Variants in GRIN2B observed in about 807,000 individuals in gnomAD.
The protein encoded by GRIN2B is glutamate ionotropic receptor NMDA type subunit 2B.
Under a neutral mutation model 114.5 loss-of-function variants are expected in GRIN2B, and 5 were observed. The ratio of observed to expected loss-of-function variants is 0.04; its 90% confidence interval spans 0.02 to 0.09. The LOEUF is 0.09. GRIN2B is among the 10% of genes least tolerant of loss of function. GRIN2B has a pLI of 1.00. For synonymous variants in GRIN2B, 787 were observed against 745.1 expected (o/e 1.06, Z -0.92); for missense variants, 1,108 against 1,943.5 (o/e 0.57, Z 8.08).
chr12:13,596,966 T>G (rs1949081827), intron 10 of GRIN2B, among the ~76,000 whole-genome samples: 1 of 152,050 alleles, frequency 6.6e-6, no homozygotes, highest in Non-Finnish European at 1.5e-5. Context: ...CCTACTTTCC[T>G]GTGTCCACAC....
At chr12:13,714,233 C>T (rs1950437397) in intron 4 of GRIN2B, among the ~76,000 whole-genome samples, 1 of 151,680 alleles carries the variant, frequency 6.6e-6, no homozygotes, top group African/African-American at 2.4e-5. Context: ...CACACTGAGG[C>T]AGTAAAAATC....
chr12:13,853,556 G>C (rs752362068), intron 3 of GRIN2B, among the ~76,000 whole-genome samples: 1 of 152,126 alleles, frequency 6.6e-6, no homozygotes, highest in African/African-American at 2.4e-5. Context: ...TAAAAGTCTT[G>C]CTCTGCTACC....
At chr12:13,802,406 T>C (rs1456443737) in intron 3 of GRIN2B, among the ~76,000 whole-genome samples, 6 of 152,096 alleles carry the variant, frequency 3.9e-5, no homozygotes, top group South Asian at 2.1e-4. Context: ...AATTTGATAA[T>C]AAATATTCAA....
At chr12:13,585,236 A>G (rs1948902911) in intron 10 of GRIN2B, among the ~76,000 whole-genome samples, 3 of 152,194 alleles carry the variant, frequency 2.0e-5, no homozygotes, top group Non-Finnish European at 4.4e-5. Flanking sequence ...CTTCAGAGTC[A>G]TGAAGCTGGG....
intron 3 of GRIN2B, among the ~76,000 whole-genome samples, chr12:13,816,406 T>C (rs868000407): frequency 1.3e-5 from 2 of 152,238 alleles, no homozygotes; most frequent in Admixed American, 6.5e-5. Flanking sequence ...AGCAGTGTTT[T>C]GAACTCCTTT....
intron 5 of GRIN2B, among the ~76,000 whole-genome samples, chr12:13,617,655 A>G (rs967501589): frequency 2.0e-5 from 3 of 152,174 alleles, no homozygotes; most frequent in Admixed American, 6.5e-5. Flanking sequence ...TATCGTAAGG[A>G]ATTATGGATT....
At chr12:13,930,538 G>T (rs1326399796) in intron 2 of GRIN2B, among the ~76,000 whole-genome samples, 1 of 152,112 alleles carries the variant, frequency 6.6e-6, no homozygotes, top group African/African-American at 2.4e-5. Flanking sequence ...TGATGTTGTG[G>T]GGCCTTCCCA....
At chr12:13,793,255 T>C (rs1424780838) in intron 3 of GRIN2B, among the ~76,000 whole-genome samples, 1 of 152,126 alleles carries the variant, frequency 6.6e-6, no homozygotes, top group Admixed American at 6.5e-5. Context: ...ACCCAGTCTC[T>C]ACTAAAGATC....
At chr12:13,589,216 T>G (rs1805474) in intron 10 of GRIN2B, among the ~76,000 whole-genome samples, 109,462 of 152,138 alleles carry the variant, frequency 0.72, 40,002 homozygotes, top group East Asian at 0.83. Flanking sequence ...AGGTATTATT[T>G]TAAATGCAGA....
intron 4 of GRIN2B, among the ~76,000 whole-genome samples, chr12:13,752,673 A>G (rs1863503875): frequency 6.6e-6 from 1 of 152,204 alleles, no homozygotes; most frequent in African/African-American, 2.4e-5. Flanking sequence ...CAAACAAACC[A>G]GACTAAGAGT....
intron 2 of GRIN2B, among the ~76,000 whole-genome samples, chr12:13,874,134 T>A (rs1006540715): frequency 2.0e-5 from 3 of 152,166 alleles, no homozygotes; most frequent in African/African-American, 7.2e-5. Context: ...TGATACTGGA[T>A]CTCTTGGCAG....
chr12:13,650,547 C>A (rs770106149), intron 5 of GRIN2B, among the ~76,000 whole-genome samples: 15 of 152,160 alleles, frequency 9.9e-5, no homozygotes, highest in Non-Finnish European at 1.6e-4. Flanking sequence ...GACCAGCCAC[C>A]CTTTCTTTCT....
chr12:13,810,553 T>C (rs1864710039), intron 3 of GRIN2B, among the ~76,000 whole-genome samples: 2 of 152,146 alleles, frequency 1.3e-5, no homozygotes, highest in South Asian at 4.1e-4. Context: ...GGCTTTATTA[T>C]TTGTGAGTGG....
intron 3 of GRIN2B, among the ~76,000 whole-genome samples, chr12:13,848,915 G>A (rs995780422): frequency 6.6e-6 from 1 of 152,206 alleles, no homozygotes; most frequent in Non-Finnish European, 1.5e-5. Flanking sequence ...CCTTCTGGAA[G>A]AACTGAAATG....
chr12:13,576,116 C>A (rs1325653943), intron 10 of GRIN2B, among the ~76,000 whole-genome samples: 4 of 152,142 alleles, frequency 2.6e-5, no homozygotes, highest in Non-Finnish European at 5.9e-5. Context: ...TTTGAAAATT[C>A]TTGTCCCAGC....
At position 13,554,651 on chromosome 12, in the gene GRIN2B, G is replaced by A. The variant is rs1237850062; in HGVS notation, c.*8132C>T. 2.6e-5 allele frequency: 4 copies of A among 152,136 alleles called. No individual in the cohort carries two copies. The highest frequency in any genetic ancestry group is 7.2e-5 in the African/African-American group (3 of 41,438). The allele number at this position is 152,136 out of a possible 1,614,324, so 9.4% of individuals were successfully genotyped here. A position where few individuals can be genotyped will look rare whatever the true frequency, so the allele number is the denominator to read the frequency against. ...GACATCTGATTTATATGTAGGAAGTGAGTACTGACAAGAGTAGATTCAAAT... is the reference window on the plus strand; with the variant it reads ...GACATCTGATTTATATGTAGGAAGTAAGTACTGACAAGAGTAGATTCAAAT... On this transcript the variant is annotated 3_prime_UTR_variant, in exon 14 of 14. Transcript: ENST00000609686.
At chr12:13,810,258 C>T (rs1407225610) in intron 3 of GRIN2B, among the ~76,000 whole-genome samples, 1 of 151,748 alleles carries the variant, frequency 6.6e-6, no homozygotes, top group Non-Finnish European at 1.5e-5. Flanking sequence ...CTCTGTTGCC[C>T]AGGCTGGAGT....
Position 13,562,548 on chromosome 12 carries a change from A to G in GRIN2B, c.*235T>C, listed in dbSNP as rs200812783. ...GCCCATGGCATCATCTCATGGGAAC[A>G]GGAATGGCTGACAGCGGGGGGAAGA... On this transcript the variant is annotated 3_prime_UTR_variant, in exon 14 of 14. Transcript: ENST00000609686. 9.0e-6 allele frequency: 5 copies of G among 555,468 alleles called. No individual in the cohort carries two copies. The highest frequency in any genetic ancestry group is 1.3e-5 in the Non-Finnish European group (4 of 309,746). 34.4% of individuals were successfully genotyped at this position (555,468 alleles called of 1,614,324 possible). A position where few individuals can be genotyped will look rare whatever the true frequency, so the allele number is the denominator to read the frequency against.
intron 3 of GRIN2B, among the ~76,000 whole-genome samples, chr12:13,778,078 A>G (rs1465239423): frequency 6.6e-6 from 1 of 152,206 alleles, no homozygotes; most frequent in Non-Finnish European, 1.5e-5. Context: ...CCAGGGAAAG[A>G]CCGTGTTGTT....
Sources: allele counts gnomAD v4.1 joint callset (sites outside exome capture counted in the v4.1 genomes callset), GRCh38; gene constraint gnomAD v4.1.1; transcripts MANE v1.5; gene names NCBI Gene and HGNC (gene_info 2026-07-23, HGNC 2026-07-21).